Variants in HYDIN observed in about 807,000 individuals in gnomAD.
The protein encoded by HYDIN is axonemal central pair apparatus protein HYDIN.
In HYDIN, 132 loss-of-function variants were observed where a neutral mutation model predicts 403.9. That is an observed-to-expected ratio of 0.33 (90% confidence interval 0.28 to 0.38). HYDIN has a LOEUF of 0.38. HYDIN is among the 10% of genes least tolerant of loss of function. The pLI is 1.00. For missense variants in HYDIN, 2,827 were observed against 5,009.5 expected, an observed-to-expected ratio of 0.56 and a Z score of 13.15; for synonymous variants, 1,202 against 1,891.7, an observed-to-expected ratio of 0.64 and a Z score of 9.46.
At chr16:71,156,879 G>A (rs2085791600) in intron 6 of HYDIN, among the ~76,000 whole-genome samples, 1 of 151,886 alleles carries the variant, frequency 6.6e-6, no homozygotes, top group Non-Finnish European at 1.5e-5. Flanking sequence ...AGAGTTTTAG[G>A]TCAAATTTAA....
chr16:70,941,771 A>T lies in HYDIN; in HGVS notation c.6718T>A (p.Phe2240Ile). 2 of 1,582,888 alleles carry T rather than the reference A, an allele frequency of 1.3e-6. No individual in the cohort carries two copies. Among genetic ancestry groups the T allele is most frequent in the Non-Finnish European group, 1.7e-6 (2 of 1,166,198 alleles). ...GVVFDGLDTL[F>I]AQNAAAALLC... ...AGGGCGGCTGCAGCATTCTGAGCAA[A>T]GAGAGTGTCGAGGCCATCAAACACC... The change falls in exon 43 of 86, where the codon TTT (phenylalanine) becomes ATT (isoleucine). Residue 2240 changes from phenylalanine to isoleucine, a missense_variant. Physicochemically the swap from Phe to Ile is conservative, Grantham distance 21. Coordinates refer to ENST00000393567, the MANE Select transcript of HYDIN (RefSeq NM_001270974.2).
chr16:71,064,903 G>A, intron 15 of HYDIN, 63 bp from the exon 16 acceptor site: 4 of 1,585,514 alleles, frequency 2.5e-6, no homozygotes, highest in African/African-American at 1.3e-5. Context: ...AGAAAACGCA[G>A]AGCCCCAAGC....
intron 40 of HYDIN, among the ~76,000 whole-genome samples, chr16:70,953,512 T>C (rs1300899609): frequency 1.3e-5 from 2 of 152,172 alleles, no homozygotes; most frequent in East Asian, 1.9e-4. Flanking sequence ...TTGACTTCCC[T>C]GACAGTCCCT....
chr16:70,804,293 G>A lies in HYDIN; in HGVS notation c.*3287C>T, dbSNP rs189648076. On this transcript the variant is annotated 3_prime_UTR_variant, in exon 86 of 86. Coordinates refer to ENST00000393567, the MANE Select transcript of HYDIN (RefSeq NM_001270974.2). ...CTCAGTGGTGTTATAGGACCAACAC[G>A]TTTGTGTGCCCACTGTGCAGTAACA... Among the ~76,000 whole-genome samples the A allele has an allele frequency of 1.3e-5, 2 of 152,322 alleles. No individual in the cohort carries two copies. Among genetic ancestry groups the A allele is most frequent in the Admixed American group, 6.5e-5 (1 of 15,300 alleles).
At chr16:71,107,512 A>C (rs2083660813) in intron 10 of HYDIN, among the ~76,000 whole-genome samples, 1 of 151,676 alleles carries the variant, frequency 6.6e-6, no homozygotes, top group South Asian at 2.1e-4. Context: ...AGTCGGCAAA[A>C]AAATGAACAA....
chr16:71,031,199 CAAAAAAAA>C (rs376968331), intron 19 of HYDIN, among the ~76,000 whole-genome samples: 17 of 25,216 alleles, frequency 6.7e-4, no homozygotes, highest in African/African-American at 2.3e-3. Context: ...GACTCCATCT[CAAAAAAAA>C]AAAAAAAAAA....
rs770319830 is a variant in HYDIN, at chr16:71,197,975, G to T, written c.-23-11057C>A. Among the ~76,000 whole-genome samples, 3 of 152,300 alleles carry T rather than the reference G, an allele frequency of 2.0e-5. No individual in the cohort carries two copies. In the South Asian group the frequency reaches 6.2e-4, roughly 32 times the overall value. On this transcript the variant is annotated intron_variant, in intron 1 of 85. Coordinates refer to ENST00000393567, the MANE Select transcript of HYDIN (RefSeq NM_001270974.2). The stretch of plus-strand genomic sequence containing the variant: ...GTTGGCCAGCTGGTCTCAAACTCCT[G>T]ACCTCAAGTGATCTGCCCGCCTCAG...
intron 7 of HYDIN, among the ~76,000 whole-genome samples, chr16:71,148,785 G>A (rs530678632): frequency 1.4e-5 from 2 of 142,122 alleles, no homozygotes; most frequent in Non-Finnish European, 3.0e-5. Flanking sequence ...TTAAGATGGA[G>A]TCTCACTCTG....
At position 71,020,251 on chromosome 16, in the gene HYDIN, C is replaced by A. The variant is rs762955663; in HGVS notation, c.3253G>T (p.Val1085Leu). The change falls in exon 22 of 86, where the codon GTG becomes TTG. Residue 1085 changes from valine (V) to leucine (L), a missense_variant. Transcript: ENST00000393567. Reference protein sequence around the residue: ...LAIKNISTLPVNLLLSTSGPF... With the variant: ...LAIKNISTLPLNLLLSTSGPF... The stretch of plus-strand genomic sequence containing the variant: ...CCAGATGTTGACAGCAACAAGTTCA[C>A]GGGCAGGGTGGAAATGTTCTTTATG... 6.2e-7 allele frequency: 1 copy of A among 1,613,872 alleles called. No homozygotes were observed. Among genetic ancestry groups the A allele is most frequent in the African/African-American group, 1.3e-5 (1 of 74,902 alleles).
At chr16:70,932,581 G>T (rs1295676157) in intron 45 of HYDIN, among the ~76,000 whole-genome samples, 1 of 152,026 alleles carries the variant, frequency 6.6e-6, no homozygotes, top group Non-Finnish European at 1.5e-5. Context: ...AAGGGGCTAA[G>T]AAGTGGGTTT....
chr16:71,058,995 T>C (rs1373351509), intron 18 of HYDIN, among the ~76,000 whole-genome samples: 2 of 152,262 alleles, frequency 1.3e-5, no homozygotes, highest in African/African-American at 4.8e-5. Flanking sequence ...TACTTTATTG[T>C]AAGATACAGT....
intron 23 of HYDIN, among the ~76,000 whole-genome samples, chr16:71,012,562 A>G (rs975143730): frequency 2.0e-5 from 3 of 152,248 alleles, no homozygotes; most frequent in Non-Finnish European, 4.4e-5. Flanking sequence ...AATTGCCTAC[A>G]AAGTCACATG....
chr16:71,115,761 A>C lies in HYDIN; in HGVS notation c.1262T>G (p.Ile421Ser). ...TTCTAGTGGGTTAAAGTACACGGTG[A>C]TTTCAGCTGATGAGTTGGGCCAGAC... is the stretch of plus-strand genomic sequence containing the variant. ...GDVWPNSSAE[I>S]TVYFNPLEAK... The change falls in exon 10 of 86, where the codon ATC becomes AGC. Residue 421 changes from isoleucine to serine, a missense_variant. By Grantham distance (142) the Ile-to-Ser change is moderately radical. Transcript: ENST00000393567. 1 of 1,038,614 alleles carries C rather than the reference A, an allele frequency of 9.6e-7. No individual in the cohort carries two copies. 64.3% of individuals were successfully genotyped at this position (1,038,614 alleles called of 1,614,324 possible). A position where few individuals can be genotyped will look rare whatever the true frequency, so the allele number is the denominator to read the frequency against.
At chr16:70,831,517 AAAAAAAAAAACC>A (rs2036987504) in intron 80 of HYDIN, among the ~76,000 whole-genome samples, 1 of 147,600 alleles carries the variant, frequency 6.8e-6, no homozygotes, top group Non-Finnish European at 1.5e-5. Flanking sequence ...TCAGAAAAAA[AAAAAAAAAAACC>A]AAAAAAAAAA....
chr16:70,928,307 T>A (rs1487305500), intron 45 of HYDIN, among the ~76,000 whole-genome samples: 3 of 152,180 alleles, frequency 2.0e-5, no homozygotes, highest in Non-Finnish European at 4.4e-5. Flanking sequence ...TACAAAAAAA[T>A]TAGCCAGACG....
At chr16:71,064,068 G>T (rs976504909) in intron 16 of HYDIN, among the ~76,000 whole-genome samples, 2 of 127,022 alleles carry the variant, frequency 1.6e-5, no homozygotes, top group African/African-American at 5.4e-5. Context: ...TTAGAATATT[G>T]TAATTCTATA....
At chr16:70,991,158 G>A in intron 25 of HYDIN, 160 bp downstream of exon 25, 1 of 992,800 alleles carries the variant, frequency 1.0e-6, no homozygotes, top group South Asian at 1.7e-5. Context: ...CTGAGTGTTG[G>A]CTCTGGGGTG....
intron 19 of HYDIN, among the ~76,000 whole-genome samples, chr16:71,031,110 G>C (rs1297387247): frequency 6.9e-6 from 1 of 145,634 alleles, no homozygotes. Flanking sequence ...TGAGGCAGGA[G>C]AATGGCGTGA....
At chr16:71,197,057 G>A (rs909071054) in intron 1 of HYDIN, among the ~76,000 whole-genome samples, 2 of 152,034 alleles carry the variant, frequency 1.3e-5, no homozygotes, top group Non-Finnish European at 2.9e-5. Flanking sequence ...ATTCTTTCTT[G>A]TGTGAAATCC....
Sources: allele counts gnomAD v4.1 joint callset (sites outside exome capture counted in the v4.1 genomes callset), GRCh38; gene constraint gnomAD v4.1.1; transcripts MANE v1.5; gene names NCBI Gene and HGNC (gene_info 2026-07-23, HGNC 2026-07-21).